SOS1: variants seen among roughly 807,000 people sequenced by gnomAD.
SOS1 encodes the protein SOS Ras/Rac guanine nucleotide exchange factor 1.
SOS1 carries 25 observed loss-of-function variants against 157.6 expected under a neutral mutation model. The observed-to-expected ratio is 0.16, with a 90% CI of 0.12 to 0.22. SOS1 has a LOEUF of 0.22. Ranked by LOEUF, SOS1 falls within the 10% of genes least tolerant of loss-of-function variation. SOS1 has a pLI of 1.00. For synonymous variants in SOS1, 528 were observed against 534.0 expected, an observed-to-expected ratio of 0.99 and a Z score of 0.16; for missense variants, 1,237 against 1,599.1, an observed-to-expected ratio of 0.77 and a Z score of 3.86.
intron 17 of SOS1, among the ~76,000 whole-genome samples, chr2:39,003,065 T>TCAAAAACAAAA (rs1669159906): frequency 7.6e-5 from 1 of 13,110 alleles, no homozygotes; most frequent in Non-Finnish European, 1.5e-4. Context: ...AGACCTTGTA[T>TCAAAAACAAAA]CAAAAAAAAA....
intron 4 of SOS1, among the ~76,000 whole-genome samples, chr2:39,055,467 C>T (rs1161967596): frequency 6.6e-6 from 1 of 152,104 alleles, no homozygotes; most frequent in Non-Finnish European, 1.5e-5. Flanking sequence ...TCTGTGTAAA[C>T]ATGTAGTAGG....
At chr2:39,080,181 T>C (rs556743280) in intron 1 of SOS1, among the ~76,000 whole-genome samples, 15 of 151,800 alleles carry the variant, frequency 9.9e-5, no homozygotes, top group South Asian at 2.1e-4. Flanking sequence ...GATGGTCCCA[T>C]ATGGGGGGGA....
intron 1 of SOS1, among the ~76,000 whole-genome samples, chr2:39,090,496 G>A (rs1672552446): frequency 6.6e-6 from 1 of 152,006 alleles, no homozygotes; most frequent in Non-Finnish European, 1.5e-5. Context: ...AGGAATTCGA[G>A]ACTGGCCTGG....
chr2:39,053,164 AAG>A (rs989371446), intron 5 of SOS1, among the ~76,000 whole-genome samples: 1 of 152,174 alleles, frequency 6.6e-6, no homozygotes, highest in African/African-American at 2.4e-5. Flanking sequence ...AGAAAAAAAA[AAG>A]AGAGAGAACC....
At chr2:39,071,179 T>A (rs1671780277) in intron 1 of SOS1, among the ~76,000 whole-genome samples, 1 of 152,056 alleles carries the variant, frequency 6.6e-6, no homozygotes, top group Admixed American at 6.6e-5. Flanking sequence ...GTCCCTCTAT[T>A]TAGATGATGA....
intron 8 of SOS1, among the ~76,000 whole-genome samples, chr2:39,033,812 C>T (rs1255668350): frequency 6.6e-6 from 1 of 152,174 alleles, no homozygotes; most frequent in African/African-American, 2.4e-5. Context: ...GCTGGAACTA[C>T]AGGCGTGTGC....
Position 39,013,443 on chromosome 2 carries a change from T to TAA in SOS1, c.2167+15_2167+16dup, listed in dbSNP as rs79984786. On this transcript the variant is annotated intron_variant, in intron 13 of 22. Transcript: ENST00000402219. ...TTTATTACATATAAAACTAGGCACC[T>TAA]AAAAAAAAAAACATACCTCTTACTG... The TAA allele has an allele frequency of 2.8e-4, 315 of 1,133,408 alleles. No homozygotes were observed. Among genetic ancestry groups the TAA allele is most frequent in the Middle Eastern group, 4.2e-4 (2 of 4,710 alleles). 70.2% of individuals were successfully genotyped at this position (1,133,408 alleles called of 1,614,324 possible).
intron 13 of SOS1, among the ~76,000 whole-genome samples, chr2:39,012,890 G>A (rs917668962): frequency 1.3e-5 from 2 of 152,020 alleles, no homozygotes; most frequent in African/African-American, 4.8e-5. Flanking sequence ...GCATACAAAG[G>A]AAATAAAAAT....
intron 6 of SOS1, among the ~76,000 whole-genome samples, chr2:39,049,880 T>A (rs1434628658): frequency 6.6e-6 from 1 of 152,328 alleles, no homozygotes; most frequent in Non-Finnish European, 1.5e-5. Context: ...TTTCCCAGCA[T>A]CCTGTTATAA....
chr2:39,061,998 T>TAA (rs58753292), intron 2 of SOS1, among the ~76,000 whole-genome samples: 14 of 149,758 alleles, frequency 9.3e-5, no homozygotes, highest in East Asian at 1.9e-4. Context: ...GTACTTCAGT[T>TAA]AAAAAAAAAA....
At chr2:39,049,955 C>T (rs1558488824) in intron 6 of SOS1, among the ~76,000 whole-genome samples, 1 of 152,150 alleles carries the variant, frequency 6.6e-6, no homozygotes, top group East Asian at 1.9e-4. Context: ...AATTCATTGT[C>T]CTTAACAGCC....
chr2:39,099,372 T>C (rs1325970524), intron 1 of SOS1, among the ~76,000 whole-genome samples: 1 of 152,214 alleles, frequency 6.6e-6, no homozygotes, highest in African/African-American at 2.4e-5. Flanking sequence ...ATGAGTCCAT[T>C]TATATGAAAT....
intron 1 of SOS1, 90 bp from the exon 2 acceptor site, chr2:39,067,843 G>C: frequency 1.7e-6 from 2 of 1,165,314 alleles, no homozygotes; most frequent in Non-Finnish European, 2.5e-6. Context: ...TTGTGGCCGG[G>C]CACGGTGGCT....
intron 11 of SOS1, 27 bp downstream of exon 11, chr2:39,014,738 A>G (rs1315431631): frequency 8.1e-7 from 1 of 1,234,366 alleles, no homozygotes; most frequent in Non-Finnish European, 1.2e-6. Flanking sequence ...AAAATAATGA[A>G]TTTAAATATT....
At chr2:39,060,252 C>A (rs1036191397) in intron 2 of SOS1, among the ~76,000 whole-genome samples, 3 of 152,076 alleles carry the variant, frequency 2.0e-5, no homozygotes, top group Admixed American at 2.0e-4. Context: ...CATGTTATGA[C>A]CCTGTGGCTT....
intron 1 of SOS1, among the ~76,000 whole-genome samples, chr2:39,085,830 A>G (rs1336861496): frequency 1.3e-5 from 2 of 152,240 alleles, no homozygotes; most frequent in African/African-American, 2.4e-5. Context: ...CATTCAACAG[A>G]TAGTATAAGA....
chr2:39,069,749 C>T (rs796598920), intron 1 of SOS1, among the ~76,000 whole-genome samples: 2 of 152,190 alleles, frequency 1.3e-5, no homozygotes, highest in African/African-American at 4.8e-5. Context: ...GGTTTCACCA[C>T]GTTGGCCAGG....
Position 38,997,337 on chromosome 2 carries a change from T to G in SOS1, c.2880A>C (p.Lys960Asn). ...CTGTTATTTCTGCTACTTTCCTCCTTTTGCTAAAGTTTATAAGCTCTTTTC... is the reference window on the plus strand; with the variant it reads ...CTGTTATTTCTGCTACTTTCCTCCTGTTGCTAAAGTTTATAAGCTCTTTTC... ...RHGKELINFS[K>N]RRKVAEITGE... The change falls in exon 18 of 23, where the codon AAA becomes AAC. Residue 960 changes from lysine (K) to asparagine (N), a missense_variant. By Grantham distance (94) the Lys-to-Asn change is moderately conservative (BLOSUM62 0). Coordinates refer to ENST00000402219, the MANE Select transcript of SOS1 (RefSeq NM_005633.4). 1 of 1,613,138 alleles carries G rather than the reference T, an allele frequency of 6.2e-7. No individual in the cohort carries two copies. Among genetic ancestry groups the G allele is most frequent in the Non-Finnish European group, 8.5e-7 (1 of 1,179,316 alleles).
intron 1 of SOS1, among the ~76,000 whole-genome samples, chr2:39,081,521 TA>T (rs1298715425): frequency 1.0e-3 from 151 of 148,384 alleles, no homozygotes; most frequent in Non-Finnish European, 1.5e-3. Context: ...CTGTCCTCGG[TA>T]AAAAAAAGAT....
Sources: gnomAD v4.1 joint callset for allele counts (sites outside exome capture counted in the v4.1 genomes callset) on GRCh38, gnomAD v4.1.1 for gene constraint, MANE v1.5 for transcripts, NCBI Gene and HGNC (gene_info 2026-07-23, HGNC 2026-07-21) for gene names.